Variants in HTR4 observed in about 807,000 individuals in gnomAD.
The protein encoded by HTR4 is 5-hydroxytryptamine receptor 4.
A neutral mutation model predicts 36.8 loss-of-function variants in HTR4; 16 were observed. The observed-to-expected ratio is 0.43, with a 90% CI of 0.29 to 0.66. The LOEUF is 0.66. Among genes scored for constraint, HTR4 ranks in the 30% least tolerant of loss-of-function variants. The probability of loss-of-function intolerance (pLI) is 0.13; values close to 1 mark genes in which losing one functional copy is unlikely to be tolerated. For synonymous variants in HTR4, 189 were observed against 185.1 expected (o/e 1.02, Z -0.17); for missense variants, 438 against 490.9 (o/e 0.89, Z 1.02).
chr5:148,571,658 C>T (rs1366923950), intron 2 of HTR4, among the ~76,000 whole-genome samples: 7 of 151,856 alleles, frequency 4.6e-5, no homozygotes, highest in Admixed American at 3.9e-4. Context: ...TAGGCTGTTT[C>T]GATAGACAAG....
intron 4 of HTR4, among the ~76,000 whole-genome samples, chr5:148,538,124 A>G (rs941675621): frequency 6.6e-6 from 1 of 152,198 alleles, no homozygotes; most frequent in Non-Finnish European, 1.5e-5. Context: ...AACTAAAGAC[A>G]AAAACCACAT....
At chr5:148,622,752 G>A (rs1230786267) in intron 2 of HTR4, among the ~76,000 whole-genome samples, 1 of 152,124 alleles carries the variant, frequency 6.6e-6, no homozygotes, top group Non-Finnish European at 1.5e-5. Context: ...AACAATGTAT[G>A]TGAAAGCACG....
intron 6 of HTR4, among the ~76,000 whole-genome samples, chr5:148,505,193 C>A (rs1341706986): frequency 6.6e-6 from 1 of 152,196 alleles, no homozygotes; most frequent in Non-Finnish European, 1.5e-5. Flanking sequence ...TGGGCTTCAT[C>A]CCTGGGATGC....
intron 6 of HTR4, among the ~76,000 whole-genome samples, chr5:148,505,609 T>C (rs1757157691): frequency 6.6e-6 from 1 of 152,216 alleles, no homozygotes; most frequent in South Asian, 2.1e-4. Flanking sequence ...GACATGACTG[T>C]ATATTTAGAA....
At chr5:148,525,766 C>T (rs1210012970) in intron 4 of HTR4, among the ~76,000 whole-genome samples, 1 of 152,148 alleles carries the variant, frequency 6.6e-6, no homozygotes, top group Non-Finnish European at 1.5e-5. Context: ...TGAATTGTGT[C>T]CTTCCTCTTC....
chr5:148,561,610 G>C (rs1000915861), intron 2 of HTR4, among the ~76,000 whole-genome samples: 11 of 150,996 alleles, frequency 7.3e-5, no homozygotes. Context: ...AGCGTCTCTG[G>C]TTTGTGTTGA....
intron 2 of HTR4, among the ~76,000 whole-genome samples, chr5:148,592,187 A>T: frequency 6.6e-6 from 1 of 152,132 alleles, no homozygotes; most frequent in East Asian, 1.9e-4. Context: ...AATGATAACT[A>T]CTTATGAATA....
At chr5:148,510,127 G>A in intron 5 of HTR4, 103 bp from the exon 6 acceptor site, 3 of 699,362 alleles carry the variant, frequency 4.3e-6, no homozygotes, top group South Asian at 2.1e-5. Flanking sequence ...AAAAGAAAAA[G>A]GGAAAAGGAA....
intron 2 of HTR4, among the ~76,000 whole-genome samples, chr5:148,596,639 C>A (rs1761788265): frequency 6.6e-6 from 1 of 151,528 alleles, no homozygotes; most frequent in Non-Finnish European, 1.5e-5. Context: ...CTGCGACAAC[C>A]AAAAACATCT....
chr5:148,567,608 G>A (rs1760498527), intron 2 of HTR4, among the ~76,000 whole-genome samples: 1 of 151,932 alleles, frequency 6.6e-6, no homozygotes, highest in African/African-American at 2.4e-5. Flanking sequence ...CTCTGCTCCA[G>A]GCACAAACAC....
In HTR4 at chr5:148,484,422, A is replaced by T. The variant is rs1756052142; in HGVS notation, c.1077-1129T>A. On this transcript the variant is annotated intron_variant, in intron 6 of 6. Coordinates refer to ENST00000377888, the MANE Select transcript of HTR4 (RefSeq NM_000870.7). Reference sequence around the variant, plus strand: ...TATTTGGCATGAATTATTATACAACAGTGAATCTTACTTACACAAGCTATG... The same window carrying T: ...TATTTGGCATGAATTATTATACAACTGTGAATCTTACTTACACAAGCTATG... 3 of 1,575,432 alleles carry T rather than the reference A, an allele frequency of 1.9e-6. No individual in the cohort carries two copies. The Admixed American group carries it at 5.0e-5, about 26-fold the overall frequency.
At chr5:148,478,538 A>G (rs750039304), downstream of HTR4, among the ~76,000 whole-genome samples, 9 of 152,178 alleles carry the variant, frequency 5.9e-5, no homozygotes, top group Non-Finnish European at 1.2e-4. Context: ...TGGCAGTATT[A>G]TGAACACCGC....
At chr5:148,489,495 T>C (rs1464580704) in intron 6 of HTR4, among the ~76,000 whole-genome samples, 1 of 152,110 alleles carries the variant, frequency 6.6e-6, no homozygotes, top group Non-Finnish European at 1.5e-5. Flanking sequence ...CTGAGCTTCC[T>C]AAAGAAGGGC....
downstream of HTR4, among the ~76,000 whole-genome samples, chr5:148,477,327 T>C (rs2113710470): frequency 6.6e-6 from 1 of 152,320 alleles, no homozygotes; most frequent in East Asian, 1.9e-4. Context: ...TGGAACTAGC[T>C]AAATTGAAAT....
intron 2 of HTR4, among the ~76,000 whole-genome samples, chr5:148,576,119 A>AAAAACAAAC (rs1760896494): frequency 7.4e-6 from 1 of 135,574 alleles, no homozygotes; most frequent in South Asian, 2.4e-4. Context: ...TCAAAAAAAA[A>AAAAACAAAC]AAAAAAAAAA....
intron 6 of HTR4, among the ~76,000 whole-genome samples, chr5:148,485,372 C>A (rs1416308132): frequency 6.6e-6 from 1 of 152,220 alleles, no homozygotes; most frequent in African/African-American, 2.4e-5. Flanking sequence ...GTGCTAGTAA[C>A]TGTTCTACTG....
intron 4 of HTR4, among the ~76,000 whole-genome samples, chr5:148,538,887 A>C (rs1240597128): frequency 1.3e-5 from 2 of 152,182 alleles, no homozygotes; most frequent in Non-Finnish European, 1.5e-5. Context: ...TTTAAAATTA[A>C]TATGGAACCA....
intron 1 of HTR4, among the ~76,000 whole-genome samples, chr5:148,642,189 G>T (rs1753748672): frequency 6.6e-6 from 1 of 152,102 alleles, no homozygotes; most frequent in Admixed American, 6.5e-5. Flanking sequence ...ACATTATTAT[G>T]TTAATAGCCA....
chr5:148,578,978 C>A (rs562251112), intron 2 of HTR4, among the ~76,000 whole-genome samples: 2 of 152,160 alleles, frequency 1.3e-5, no homozygotes, highest in South Asian at 2.1e-4. Context: ...AATCAGTCAT[C>A]CTTCAGAAAC....
Sources: gnomAD v4.1 joint callset for allele counts (sites outside exome capture counted in the v4.1 genomes callset) on GRCh38, gnomAD v4.1.1 for gene constraint, MANE v1.5 for transcripts, NCBI Gene and HGNC (gene_info 2026-07-23, HGNC 2026-07-21) for gene names.